EPAS1: variants seen among roughly 807,000 people sequenced by gnomAD.
EPAS1 encodes the protein endothelial PAS domain-containing protein 1.
A neutral mutation model predicts 87.9 loss-of-function variants in EPAS1; 23 were observed. The ratio of observed to expected loss-of-function variants is 0.26; its 90% confidence interval spans 0.19 to 0.37. EPAS1 has a LOEUF of 0.37. Among genes scored for constraint, EPAS1 ranks in the 10% least tolerant of loss-of-function variants. The pLI is 1.00. For synonymous variants in EPAS1, 508 were observed against 444.3 expected, an observed-to-expected ratio of 1.14 and a Z score of -1.80; for missense variants, 1,138 against 1,120.7, an observed-to-expected ratio of 1.02 and a Z score of -0.22.
chr2:46,341,755 T>C (rs541582799), intron 1 of EPAS1, among the ~76,000 whole-genome samples: 5 of 152,300 alleles, frequency 3.3e-5, no homozygotes, highest in African/African-American at 1.2e-4. Flanking sequence ...TTTTCATAAG[T>C]CCTCCAGGTG....
intron 15 of EPAS1, among the ~76,000 whole-genome samples, chr2:46,383,621 G>T (rs1684949272): frequency 6.6e-6 from 1 of 152,222 alleles, no homozygotes; most frequent in African/African-American, 2.4e-5. Flanking sequence ...GTAAGAGGTA[G>T]CCAGCACTAT....
Position 46,380,635 on chromosome 2 carries a change from G to A in EPAS1, c.1963G>A (p.Gly655Arg), listed in dbSNP as rs201673782. Residue 655 changes from glycine (G) to arginine (R), a missense_variant, in exon 12 of 16, where the codon GGG (glycine) becomes AGG (arginine). This residue lies in a region of EPAS1 where 502 missense variants were observed against 427.1 expected (regional missense o/e 1.18). Coordinates refer to ENST00000263734, the MANE Select transcript of EPAS1 (RefSeq NM_001430.5). The surrounding 1 kb of genome is among the most constrained non-coding windows in gnomAD (Gnocchi z 4.4). Reference protein sequence around the residue: ...LHFGPTKWAVGDQRTEFLGAA... With the variant: ...LHFGPTKWAVRDQRTEFLGAA... ...TTTTGGGCCCACAAAGTGGGCCGTC[G>A]GGGATCAGCGCACAGAGTTCTTGGG... 2.6e-4 allele frequency: 421 copies of A among 1,613,898 alleles called. No homozygotes were observed. Among genetic ancestry groups the A allele is most frequent in the Non-Finnish European group, 3.3e-4 (392 of 1,179,984 alleles).
At chr2:46,340,110 T>G (rs1683882228) in intron 1 of EPAS1, among the ~76,000 whole-genome samples, 1 of 152,162 alleles carries the variant, frequency 6.6e-6, no homozygotes, top group Non-Finnish European at 1.5e-5. Context: ...CCAGCTGGGC[T>G]GGGGAGTCCA....
intron 1 of EPAS1, among the ~76,000 whole-genome samples, chr2:46,337,673 A>G (rs995478288): frequency 2.6e-5 from 4 of 152,128 alleles, no homozygotes; most frequent in Non-Finnish European, 4.4e-5. Context: ...AGCTTGTGAG[A>G]TCCAAAGGAA....
intron 1 of EPAS1, among the ~76,000 whole-genome samples, chr2:46,317,531 A>C (rs1014327470): frequency 5.3e-5 from 8 of 152,242 alleles, no homozygotes; most frequent in Non-Finnish European, 1.2e-4. Context: ...ATAGAGCACC[A>C]ATAAAGTAGA....
At chr2:46,359,415 C>T (rs1253692951) in intron 4 of EPAS1, among the ~76,000 whole-genome samples, 1 of 152,006 alleles carries the variant, frequency 6.6e-6, no homozygotes, top group Admixed American at 6.5e-5. Context: ...GTGGTGGGGC[C>T]AGATCCCAAG....
At chr2:46,320,969 A>G (rs532050512) in intron 1 of EPAS1, among the ~76,000 whole-genome samples, 166 of 152,342 alleles carry the variant, frequency 1.1e-3, no homozygotes, top group African/African-American at 3.7e-3. Flanking sequence ...TTGGGCTACA[A>G]GCACCACTGC....
intron 1 of EPAS1, among the ~76,000 whole-genome samples, chr2:46,345,643 A>T (rs1255838132): frequency 6.6e-6 from 1 of 152,174 alleles, no homozygotes; most frequent in Non-Finnish European, 1.5e-5. Context: ...AAATAAGCCA[A>T]GGTAGTACTG....
chr2:46,381,264 C>T (rs928970986), intron 12 of EPAS1: 12 of 400,452 alleles, frequency 3.0e-5, no homozygotes, highest in Non-Finnish European at 4.7e-5. Context: ...GGTACTTGCC[C>T]TTTATAGAGC....
chr2:46,363,017 G>GTGGTGGTGGTGGTGGTGGTGGTGATGA lies in EPAS1; in HGVS notation c.779+1929_779+1930insGTGGTGGTGGTGGTGGTGGTGATGATG, dbSNP rs1410002978. 1.9e-4 allele frequency among the ~76,000 whole-genome samples: 28 copies of GTGGTGGTGGTGGTGGTGGTGGTGATGA among 144,364 alleles called. 1 individual carries two copies. Among genetic ancestry groups the GTGGTGGTGGTGGTGGTGGTGGTGATGA allele is most frequent in the African/African-American group, 6.0e-4 (23 of 38,442 alleles). The allele number at this position is 144,364 out of a possible 152,430, so 94.7% of individuals were successfully genotyped here. ...GGTGGTGGTGGTGGTGGTGGTGGTGGTGATAATGATGGTGGTTCAAGAAGA... is the reference window on the plus strand; with the variant it reads ...GGTGGTGGTGGTGGTGGTGGTGGTGGTGGTGGTGGTGGTGGTGGTGGTGATGATGATAATGATGGTGGTTCAAGAAGA... On this transcript the variant is annotated intron_variant, in intron 6 of 15. Coordinates refer to ENST00000263734, the MANE Select transcript of EPAS1 (RefSeq NM_001430.5).
At chr2:46,351,348 A>T (rs1283674528) in intron 2 of EPAS1, among the ~76,000 whole-genome samples, 1 of 152,232 alleles carries the variant, frequency 6.6e-6, no homozygotes, top group Non-Finnish European at 1.5e-5. Flanking sequence ...GATACATGCA[A>T]AGAACAAAGG....
chr2:46,382,824 A>G (rs1684931680), intron 15 of EPAS1, among the ~76,000 whole-genome samples: 1 of 152,176 alleles, frequency 6.6e-6, no homozygotes, highest in Non-Finnish European at 1.5e-5. Context: ...ACACAGCTAA[A>G]AAACTCAAAC....
In EPAS1 at chr2:46,311,625, T is replaced by G. The variant is rs181833010; in HGVS notation, c.26+13688T>G. On this transcript the variant is annotated intron_variant, in intron 1 of 15. Transcript: ENST00000263734. ...AAGCTAACCTGTGACTAGATATCTG[T>G]TAGGGTGTGAAACCTGTGAACATAT... Among the ~76,000 whole-genome samples, 9 of 152,352 alleles carry G rather than the reference T, an allele frequency of 5.9e-5. No individual in the cohort carries two copies. In the East Asian group the frequency reaches 1.7e-3, roughly 29 times the overall value.
At position 46,347,511 on chromosome 2, in the gene EPAS1, C is replaced by G. The variant is rs766761705; in HGVS notation, c.217+448C>G. ...TTTTCCCTCTGAGAAGCCAGTTAGG[C>G]CAAGTAAATCATTTAGTCTCTCTGA... is the stretch of plus-strand genomic sequence containing the variant. On this transcript the variant is annotated intron_variant, in intron 2 of 15. Coordinates refer to ENST00000263734, the MANE Select transcript of EPAS1 (RefSeq NM_001430.5). This position sits in a 1 kb window ranked among gnomAD's most constrained non-coding sequence, Gnocchi z 4.2. 1.6e-5 allele frequency: 4 copies of G among 254,216 alleles called. No individual in the cohort carries two copies. The highest frequency in any genetic ancestry group is 7.8e-6 in the Non-Finnish European group (1 of 128,352). 15.7% of individuals were successfully genotyped at this position (254,216 alleles called of 1,614,324 possible).
chr2:46,373,838 A>T (rs1350645901), intron 7 of EPAS1, among the ~76,000 whole-genome samples: 1 of 152,240 alleles, frequency 6.6e-6, no homozygotes, highest in Non-Finnish European at 1.5e-5. Flanking sequence ...AGGAATCTTT[A>T]ATTTGAACTA....
intron 1 of EPAS1, among the ~76,000 whole-genome samples, chr2:46,299,080 C>G (rs1466384536): frequency 6.6e-6 from 1 of 152,234 alleles, no homozygotes; most frequent in African/African-American, 2.4e-5. Context: ...ATGAGGAGGA[C>G]CGACTCGCTA....
Position 46,324,152 on chromosome 2 carries a change from C to A in EPAS1, c.27-22721C>A, listed in dbSNP as rs530012640. Among the ~76,000 whole-genome samples, 4 of 152,294 alleles carry A rather than the reference C, an allele frequency of 2.6e-5. No homozygotes were observed. In the East Asian group the frequency reaches 7.7e-4, roughly 29 times the overall value. ...TGCGATCTTGGCTCACTGCAAGCTC[C>A]GCCTTCTGGGTTCATGCCATTCTCC... On this transcript the variant is annotated intron_variant, in intron 1 of 15. Transcript: ENST00000263734.
chr2:46,298,895 C>T (rs997165103), intron 1 of EPAS1, among the ~76,000 whole-genome samples: 5 of 152,230 alleles, frequency 3.3e-5, no homozygotes, highest in African/African-American at 1.2e-4. Flanking sequence ...GCCGCCTGTC[C>T]CCTTTCTCCT....
intron 10 of EPAS1, 134 bp downstream of exon 10, chr2:46,378,221 A>G (rs1684801666): frequency 2.1e-6 from 3 of 1,425,476 alleles, no homozygotes; most frequent in Non-Finnish European, 2.8e-6. Context: ...TGGCCGTGAC[A>G]CTTACCTACC....
Sources: allele counts gnomAD v4.1 joint callset (sites outside exome capture counted in the v4.1 genomes callset), GRCh38; gene constraint gnomAD v4.1.1; regional missense constraint gnomAD v4.1.1; non-coding constraint Gnocchi (gnomAD v3.1); transcripts MANE v1.5; gene names NCBI Gene and HGNC (gene_info 2026-07-23, HGNC 2026-07-21).